The following CANX variants were observed in gnomAD, a reference collection of about 807,000 sequenced individuals.
CANX encodes epididymis secretory sperm binding protein.
In CANX, 14 loss-of-function variants were observed where a neutral mutation model predicts 75.7. That is an observed-to-expected ratio of 0.19 (90% CI 0.12 to 0.29). The LOEUF (loss-of-function observed/expected upper bound fraction) is 0.29. CANX is among the 10% of genes least tolerant of loss of function. The probability of loss-of-function intolerance (pLI) is 1.00; values close to 1 mark genes in which losing one functional copy is unlikely to be tolerated. For synonymous variants in CANX, 227 were observed against 236.9 expected (o/e 0.96, Z 0.38); for missense variants, 567 against 713.2 (o/e 0.79, Z 2.34).
chr5:179,687,688 G>T (rs1185000807), intron 1 of CANX, among the ~76,000 whole-genome samples: 1 of 152,082 alleles, frequency 6.6e-6, no homozygotes, highest in Non-Finnish European at 1.5e-5. Flanking sequence ...TTTTAACCAA[G>T]CCAGTGATTC....
At chr5:179,703,753 C>A (rs1339060871) in intron 1 of CANX, among the ~76,000 whole-genome samples, 1 of 151,380 alleles carries the variant, frequency 6.6e-6, no homozygotes, top group African/African-American at 2.4e-5. Context: ...GCATGTAGAG[C>A]AGCTATAGAG....
intron 13 of CANX, among the ~76,000 whole-genome samples, chr5:179,725,210 TATTG>T (rs761379853): frequency 6.6e-6 from 1 of 151,956 alleles, no homozygotes; most frequent in African/African-American, 2.4e-5. Context: ...TTTGTTTGTT[TATTG>T]ATTTATTTAT....
rs71591440 is a variant in CANX, at chr5:179,710,707, C to CAAAAAAAAA, written c.721+650_721+658dup. Among the ~76,000 whole-genome samples the CAAAAAAAAA allele has an allele frequency of 4.0e-4, 11 of 27,360 alleles. 1 individual carries two copies. The highest frequency in any genetic ancestry group is 7.3e-4 in the Non-Finnish European group (8 of 10,942). 17.9% of individuals were successfully genotyped at this position (27,360 alleles called of 152,430 possible). On this transcript the variant is annotated intron_variant, in intron 7 of 14. Coordinates refer to ENST00000247461, the MANE Select transcript of CANX (RefSeq NM_001746.4). Reference sequence around the variant, plus strand: ...TAGGAGACAGAGCAAGACTCCATCTCAAAAAAAAAAAAAAAAGATTGTATA... The same window carrying CAAAAAAAAA: ...TAGGAGACAGAGCAAGACTCCATCTCAAAAAAAAAAAAAAAAAAAAAAAAAGATTGTATA...
chr5:179,704,985 T>A (rs893385887), intron 1 of CANX, among the ~76,000 whole-genome samples: 1 of 152,006 alleles, frequency 6.6e-6, no homozygotes, highest in African/African-American at 2.4e-5. Context: ...TGAGAGGAAT[T>A]ATCTTCTGTG....
intron 4 of CANX, among the ~76,000 whole-genome samples, chr5:179,707,993 C>G (rs138329006): frequency 6.6e-6 from 1 of 152,066 alleles, no homozygotes; most frequent in African/African-American, 2.4e-5. Flanking sequence ...CCCATCACCA[C>G]GCCCGGCTAA....
intron 12 of CANX, 21 bp from the exon 13 acceptor site, chr5:179,724,636 G>C (rs1352898310): frequency 6.2e-7 from 1 of 1,607,362 alleles, no homozygotes; most frequent in South Asian, 1.1e-5. Context: ...AAACAAAATT[G>C]TACTTTGGGG....
At chr5:179,680,528 G>T (rs1249849943) in intron 1 of CANX, among the ~76,000 whole-genome samples, 2 of 152,106 alleles carry the variant, frequency 1.3e-5, no homozygotes, top group Non-Finnish European at 2.9e-5. Context: ...GACATCCTGG[G>T]GTGTGTGCCA....
At chr5:179,696,022 C>T (rs1465189922), upstream of CANX, among the ~76,000 whole-genome samples, 1 of 151,976 alleles carries the variant, frequency 6.6e-6, no homozygotes, top group Non-Finnish European at 1.5e-5. Flanking sequence ...TGGCCTTAGA[C>T]AATCCTCCCA....
Position 179,722,987 on chromosome 5 carries a change from G to A in CANX, c.1366G>A (p.Gly456Ser). ...IVDDWANDGW[G>S]LKKAADGAAE... The stretch of plus-strand genomic sequence containing the variant: ...TGATGATTGGGCCAATGATGGATGG[G>A]GCCTGAAGAAAGCTGCTGATGGGGC... Residue 456 changes from glycine (G) to serine (S), a missense_variant, in exon 11 of 15, where the codon GGC becomes AGC. Gly to Ser is a moderately conservative substitution (Grantham distance 56). This residue lies in a region of CANX where 167 missense variants were observed against 179.3 expected (regional missense o/e 0.93). Coordinates refer to ENST00000247461, the MANE Select transcript of CANX (RefSeq NM_001746.4). 6.2e-7 allele frequency: 1 copy of A among 1,614,102 alleles called. No homozygotes were observed. The highest frequency in any genetic ancestry group is 2.2e-5 in the East Asian group (1 of 44,884).
At chr5:179,719,613 T>C in intron 8 of CANX, 55 bp from the exon 9 acceptor site, 1 of 924,604 alleles carries the variant, frequency 1.1e-6, no homozygotes, top group Non-Finnish European at 1.7e-6. Flanking sequence ...ATCCACAAAG[T>C]GGTACTATAC....
intron 1 of CANX, among the ~76,000 whole-genome samples, chr5:179,681,700 A>T (rs1776068934): frequency 6.6e-6 from 1 of 152,134 alleles, no homozygotes; most frequent in Non-Finnish European, 1.5e-5. Context: ...GGATCTCAGT[A>T]GGGCGCCAGC....
chr5:179,695,162 G>C (rs1776371262), upstream of CANX, among the ~76,000 whole-genome samples: 1 of 151,810 alleles, frequency 6.6e-6, no homozygotes, highest in Non-Finnish European at 1.5e-5. Context: ...CCATTCTCCT[G>C]CCCCAGCCTC....
chr5:179,682,708 T>TC (rs1554141143), intron 1 of CANX, among the ~76,000 whole-genome samples: 3 of 34,584 alleles, frequency 8.7e-5, no homozygotes, highest in Non-Finnish European at 1.6e-4. Context: ...AGACTCTGTC[T>TC]CAAAAAAAAA....
chr5:179,684,108 T>A (rs903322212), intron 1 of CANX, among the ~76,000 whole-genome samples: 1 of 152,166 alleles, frequency 6.6e-6, no homozygotes, highest in Non-Finnish European at 1.5e-5. Context: ...CACCTAGGAA[T>A]AGAATGACTG....
intron 7 of CANX, among the ~76,000 whole-genome samples, chr5:179,712,671 C>T (rs746750628): frequency 3.3e-5 from 5 of 151,402 alleles, no homozygotes; most frequent in African/African-American, 4.9e-5. Flanking sequence ...GTGATCTGCC[C>T]GCCTCAGCCT....
At chr5:179,680,920 C>G in intron 1 of CANX, 4 of 1,536,574 alleles carry the variant, frequency 2.6e-6, no homozygotes, top group Non-Finnish European at 3.5e-6. Context: ...AGCCCACATC[C>G]AGGCCCACCC....
upstream of CANX, chr5:179,698,570 T>A (rs1031982198): frequency 7.8e-6 from 10 of 1,289,430 alleles, no homozygotes; most frequent in African/African-American, 9.1e-5. Context: ...GGGCGCGCGA[T>A]GCGTCCCAAG....
chr5:179,690,446 C>G (rs112211556), intron 1 of CANX, among the ~76,000 whole-genome samples: 1 of 150,544 alleles, frequency 6.6e-6, no homozygotes, highest in Non-Finnish European at 1.5e-5. Flanking sequence ...TGTGGTGGTA[C>G]GCACCTGTAA....
At chr5:179,714,665 C>T (rs1431580837) in intron 7 of CANX, among the ~76,000 whole-genome samples, 5 of 152,054 alleles carry the variant, frequency 3.3e-5, no homozygotes, top group Non-Finnish European at 5.9e-5. Flanking sequence ...CTACAGGTGC[C>T]CACCACCACG....
Sources: allele counts gnomAD v4.1 joint callset (sites outside exome capture counted in the v4.1 genomes callset), GRCh38; gene constraint gnomAD v4.1.1; regional missense constraint gnomAD v4.1.1; transcripts MANE v1.5; gene names NCBI Gene and HGNC (gene_info 2026-07-23, HGNC 2026-07-21).